FAM13A: variants seen among roughly 807,000 people sequenced by gnomAD.
The protein encoded by FAM13A is protein FAM13A.
In FAM13A, 76 loss-of-function variants were observed where a neutral mutation model predicts 129.6. That is an observed-to-expected ratio of 0.59 (90% CI 0.49 to 0.71). The LOEUF (loss-of-function observed/expected upper bound fraction) is 0.71, where lower values mean the gene tolerates loss of function less well. Ranked by LOEUF, FAM13A falls within the 30% of genes least tolerant of loss-of-function variation. The pLI is 0.00. For missense variants in FAM13A, 1,108 were observed against 1,249.3 expected, an observed-to-expected ratio of 0.89 and a Z score of 1.70; for synonymous variants, 443 against 449.9, an observed-to-expected ratio of 0.98 and a Z score of 0.20.
intron 4 of FAM13A, among the ~76,000 whole-genome samples, chr4:88,974,217 GCAATTTGTCAATTA>G (rs568253985): frequency 1.4e-4 from 21 of 152,250 alleles, no homozygotes; most frequent in Middle Eastern, 3.4e-3. Flanking sequence ...GGAGCTTCCA[GCAATTTGTCAATTA>G]CAGTTCAGGT....
intron 6 of FAM13A, among the ~76,000 whole-genome samples, chr4:88,875,066 G>T (rs958206425): frequency 5.9e-5 from 9 of 152,182 alleles, no homozygotes; most frequent in African/African-American, 2.2e-4. Context: ...AATAAATGGT[G>T]CTGGGAAAAC....
At chr4:88,728,844 C>T in intron 23 of FAM13A, 185 bp from the exon 24 acceptor site, 1 of 583,228 alleles carries the variant, frequency 1.7e-6, no homozygotes, top group Non-Finnish European at 2.9e-6. Flanking sequence ...AATGTTTCAC[C>T]CAGAAGGCAA....
intron 1 of FAM13A, among the ~76,000 whole-genome samples, chr4:89,031,537 G>C (rs1354016418): frequency 6.6e-6 from 1 of 152,130 alleles, no homozygotes; most frequent in Non-Finnish European, 1.5e-5. Flanking sequence ...GTAGAAATTA[G>C]TTCATTTATG....
intron 3 of FAM13A, among the ~76,000 whole-genome samples, chr4:88,995,181 CACAAATATACAAACAG>C (rs1763396752): frequency 6.8e-6 from 1 of 146,898 alleles, no homozygotes; most frequent in African/African-American, 2.7e-5. Context: ...ATATTTGTTG[CACAAATATACAAACAG>C]TATATTTGTT....
chr4:88,916,823 T>C lies in FAM13A; in HGVS notation c.760-10361A>G, dbSNP rs80110337. On this transcript the variant is annotated intron_variant, in intron 5 of 23. Coordinates refer to ENST00000264344, the MANE Select transcript of FAM13A (RefSeq NM_014883.4). ...TACCATTAATTTCAAGAGTGTATCA[T>C]AGTTTAATTTTTTTTTTCAGAATCT... Among the ~76,000 whole-genome samples the C allele has an allele frequency of 1.5e-3, 226 of 152,282 alleles. 1 individual carries two copies. Among genetic ancestry groups the C allele is most frequent in the African/African-American group, 5.2e-3 (215 of 41,554 alleles).
At chr4:88,966,371 A>G (rs1759351286) in intron 4 of FAM13A, among the ~76,000 whole-genome samples, 1 of 152,118 alleles carries the variant, frequency 6.6e-6, no homozygotes, top group African/African-American at 2.4e-5. Context: ...AGCCTACTAT[A>G]TGGCAGGGAC....
chr4:88,945,593 T>C (rs1232111757), intron 4 of FAM13A, among the ~76,000 whole-genome samples: 3 of 151,808 alleles, frequency 2.0e-5, no homozygotes, highest in Non-Finnish European at 2.9e-5. Flanking sequence ...CAAATATTTA[T>C]ACAATCTAAG....
At chr4:88,979,712 C>T (rs1343044163) in intron 4 of FAM13A, among the ~76,000 whole-genome samples, 1 of 152,002 alleles carries the variant, frequency 6.6e-6, no homozygotes, top group African/African-American at 2.4e-5. Context: ...GGTGGCTCAC[C>T]CCTGTAATCC....
chr4:88,733,950 A>G (rs544257558), intron 21 of FAM13A, among the ~76,000 whole-genome samples: 5 of 152,362 alleles, frequency 3.3e-5, no homozygotes, highest in South Asian at 2.1e-4. Context: ...TGAGCACTCA[A>G]TATTTTTTGA....
At chr4:88,845,338 TTGTC>T (rs1387099386) in intron 7 of FAM13A, among the ~76,000 whole-genome samples, 1 of 152,006 alleles carries the variant, frequency 6.6e-6, no homozygotes, top group Non-Finnish European at 1.5e-5. Context: ...GAAGTGGAGA[TTGTC>T]TGGCAGCCAC....
At chr4:88,764,817 CT>C (rs1745434340) in intron 13 of FAM13A, among the ~76,000 whole-genome samples, 1 of 152,108 alleles carries the variant, frequency 6.6e-6, no homozygotes, top group African/African-American at 2.4e-5. Flanking sequence ...TGACTCTTGA[CT>C]TTTTTTCTCA....
chr4:89,056,078 G>A (rs778552528), intron 1 of FAM13A, among the ~76,000 whole-genome samples: 3 of 152,024 alleles, frequency 2.0e-5, no homozygotes, highest in Non-Finnish European at 4.4e-5. Flanking sequence ...GTGATAATAA[G>A]GAAGAAGATA....
At chr4:88,850,928 G>A (rs1737454584) in intron 7 of FAM13A, 92 bp downstream of exon 7, 2 of 1,108,650 alleles carry the variant, frequency 1.8e-6, no homozygotes, top group East Asian at 2.4e-5. Flanking sequence ...AACTCCAGTG[G>A]CAGATCAATG....
intron 13 of FAM13A, among the ~76,000 whole-genome samples, chr4:88,765,543 G>A (rs780218301): frequency 1.3e-5 from 2 of 152,202 alleles, no homozygotes; most frequent in African/African-American, 4.8e-5. Flanking sequence ...GGTGGTGTAA[G>A]TTTTAGGAAG....
At chr4:88,975,541 T>C (rs1328647749) in intron 4 of FAM13A, among the ~76,000 whole-genome samples, 1 of 152,192 alleles carries the variant, frequency 6.6e-6, no homozygotes, top group Non-Finnish European at 1.5e-5. Flanking sequence ...GTAAGACATA[T>C]AGTACTAATT....
At chr4:88,773,732 T>G (rs558406112) in intron 11 of FAM13A, among the ~76,000 whole-genome samples, 2 of 152,314 alleles carry the variant, frequency 1.3e-5, no homozygotes, top group South Asian at 4.1e-4. Flanking sequence ...CCAAAATTAT[T>G]TATTTCATCT....
At chr4:88,728,766 T>C in intron 23 of FAM13A, 107 bp from the exon 24 acceptor site, 1 of 1,348,046 alleles carries the variant, frequency 7.4e-7, no homozygotes, top group Non-Finnish European at 1.0e-6. Flanking sequence ...GTTTATCAAC[T>C]TGTAGAATCA....
intron 3 of FAM13A, among the ~76,000 whole-genome samples, chr4:89,007,636 C>T (rs764028866): frequency 2.8e-4 from 42 of 152,092 alleles, no homozygotes; most frequent in Non-Finnish European, 4.9e-4. Flanking sequence ...ATTTTGGAGT[C>T]ATTGTTATAC....
chr4:88,935,224 C>G (rs1177707318), intron 5 of FAM13A, among the ~76,000 whole-genome samples: 1 of 152,194 alleles, frequency 6.6e-6, no homozygotes, highest in African/African-American at 2.4e-5. Context: ...TCTTCCAATA[C>G]TCTGGTCAAA....
Sources: allele counts gnomAD v4.1 joint callset (sites outside exome capture counted in the v4.1 genomes callset), GRCh38; gene constraint gnomAD v4.1.1; transcripts MANE v1.5; gene names NCBI Gene and HGNC (gene_info 2026-07-23, HGNC 2026-07-21).